The following ZNF697 variants were observed in gnomAD, a reference collection of about 807,000 sequenced individuals.
ZNF697 encodes zinc finger protein 697.
A neutral mutation model predicts 32.4 loss-of-function variants in ZNF697; 23 were observed. The observed-to-expected ratio is 0.71, with a 90% CI of 0.51 to 1.01. The LOEUF (loss-of-function observed/expected upper bound fraction) is 1.01. Ranked by LOEUF, ZNF697 falls within the 50% of genes least tolerant of loss-of-function variation. The probability of loss-of-function intolerance (pLI) is 0.00; values close to 1 mark genes in which losing one functional copy is unlikely to be tolerated. For missense variants in ZNF697, 930 were observed against 794.0 expected (o/e 1.17, Z -2.06); for synonymous variants, 418 against 337.2 (o/e 1.24, Z -2.62).
In ZNF697 at chr1:119,645,942, T is replaced by A. The variant is rs1214335876; in HGVS notation, c.-38+1749A>T. On this transcript the variant is annotated intron_variant, in intron 1 of 2. Coordinates refer to ENST00000421812, the MANE Select transcript of ZNF697 (RefSeq NM_001080470.2). The stretch of plus-strand genomic sequence containing the variant: ...GTTTATCATCCTTACAACCAACCTT[T>A]ACCCTTTCTCCTTCCCTTCACAGGA... Among the ~76,000 whole-genome samples, 4 of 152,196 alleles carry A rather than the reference T, an allele frequency of 2.6e-5. No homozygotes were observed. In the East Asian group the frequency reaches 5.8e-4, roughly 22 times the overall value.
At chr1:119,632,900 T>C (rs587743734) in intron 1 of ZNF697, among the ~76,000 whole-genome samples, 1 of 152,324 alleles carries the variant, frequency 6.6e-6, no homozygotes, top group East Asian at 1.9e-4. Flanking sequence ...TTTTCCTGTA[T>C]ATTTTCCTTA....
In ZNF697 at chr1:119,647,763, G is replaced by C. The variant is rs1318937297; in HGVS notation, c.-110C>G. On this transcript the variant is annotated 5_prime_UTR_variant, in exon 1 of 3. Transcript: ENST00000421812. ...GTCTCTGATGCCCCCTTCGGTGGTC[G>C]GCGGGACGGTCCTATTCCCTCTTGC... The C allele has an allele frequency of 6.6e-6, 1 of 152,324 alleles. No homozygotes were observed. The highest frequency in any genetic ancestry group is 1.5e-5 in the Non-Finnish European group (1 of 68,196). 9.4% of individuals were successfully genotyped at this position (152,324 alleles called of 1,614,324 possible).
chr1:119,628,401 A>G (rs1648662114), intron 1 of ZNF697, among the ~76,000 whole-genome samples: 1 of 152,220 alleles, frequency 6.6e-6, no homozygotes, highest in South Asian at 2.1e-4. Context: ...GACATCAGAT[A>G]TTAAACGTGG....
In ZNF697 at chr1:119,623,930, G is replaced by A. The variant is rs1024790909; in HGVS notation, c.413C>T (p.Pro138Leu). 22 of 1,587,490 alleles carry A rather than the reference G, an allele frequency of 1.4e-5. No homozygotes were observed. Among genetic ancestry groups the A allele is most frequent in the Non-Finnish European group, 1.6e-5 (19 of 1,167,162 alleles). The change falls in exon 3 of 3, where the codon CCT becomes CTT. Residue 138 changes from proline to leucine, a missense_variant. By Grantham distance (98) the Pro-to-Leu change is moderately conservative. Coordinates refer to ENST00000421812, the MANE Select transcript of ZNF697 (RefSeq NM_001080470.2). ...ATGTCGCCTCCAGGGAAGTACGGGA[G>A]GGGCCGGCTGCTCCTCTTCCTCCTC... ...RLEEEEEQPA[P>L]PVLPWRRHLS...
rs918802091 is a variant in ZNF697, at chr1:119,620,589, C to T, written c.*2116G>A. On this transcript the variant is annotated 3_prime_UTR_variant, in exon 3 of 3. Transcript: ENST00000421812. ...TACAAATCAGAATTCAAAACGGACA[C>T]TTGTTTGCTTGTATTACTCCTGACT... 1.4e-4 allele frequency: 21 copies of T among 152,604 alleles called. No individual in the cohort carries two copies. Among genetic ancestry groups the T allele is most frequent in the African/African-American group, 5.1e-4 (21 of 41,424 alleles). The allele number at this position is 152,604 out of a possible 1,614,324, so 9.5% of individuals were successfully genotyped here. A position where few individuals can be genotyped will look rare whatever the true frequency, so the allele number is the denominator to read the frequency against.
chr1:119,642,988 T>C, intron 1 of ZNF697, among the ~76,000 whole-genome samples: 1 of 152,226 alleles, frequency 6.6e-6, no homozygotes, highest in South Asian at 2.1e-4. Flanking sequence ...AGTGCCCTGC[T>C]AAACTTCATC....
chr1:119,634,816 A>C (rs1648876916), intron 1 of ZNF697, among the ~76,000 whole-genome samples: 1 of 152,260 alleles, frequency 6.6e-6, no homozygotes, highest in Non-Finnish European at 1.5e-5. Flanking sequence ...TTACAGAAAC[A>C]AATTATAAGA....
At chr1:119,636,638 T>A (rs1350886272) in intron 1 of ZNF697, among the ~76,000 whole-genome samples, 1 of 152,154 alleles carries the variant, frequency 6.6e-6, no homozygotes, top group African/African-American at 2.4e-5. Flanking sequence ...TTTGGTGATC[T>A]CACCTAACAC....
Position 119,622,936 on chromosome 1 carries a change from C to T in ZNF697, c.1407G>A (p.Gln469=), listed in dbSNP as rs1648394390. The part of the protein sequence containing the change: ...HTGEKPFRCG[Q]CEKRFSDFST... ...AGAAGTCGCTGAAGCGCTTCTCGCA[C>T]TGGCCACAGCGGAAGGGCTTCTCGC... The change falls in exon 3 of 3, where the codon CAG becomes CAA. Residue 469 remains glutamine, a synonymous_variant. Coordinates refer to ENST00000421812, the MANE Select transcript of ZNF697 (RefSeq NM_001080470.2). 4 of 1,606,296 alleles carry T rather than the reference C, an allele frequency of 2.5e-6. No individual in the cohort carries two copies. Among genetic ancestry groups the T allele is most frequent in the Non-Finnish European group, 3.4e-6 (4 of 1,176,124 alleles).
chr1:119,633,255 C>T (rs1648828534), intron 1 of ZNF697, among the ~76,000 whole-genome samples: 1 of 152,136 alleles, frequency 6.6e-6, no homozygotes, highest in Non-Finnish European at 1.5e-5. Context: ...ATATAAAACA[C>T]ATCTTCAAAA....
At chr1:119,647,079 A>G (rs1570952633) in intron 1 of ZNF697, among the ~76,000 whole-genome samples, 1 of 44,838 alleles carries the variant, frequency 2.2e-5, no homozygotes, top group African/African-American at 8.8e-5. Flanking sequence ...CCTGTGGGGG[A>G]GGCAGGGCGG....
At chr1:119,631,325 G>C (rs923822682) in intron 1 of ZNF697, among the ~76,000 whole-genome samples, 16 of 152,254 alleles carry the variant, frequency 1.1e-4, no homozygotes, top group African/African-American at 3.1e-4. Context: ...CATCTCCTTT[G>C]ACTCCAGTAA....
intron 1 of ZNF697, among the ~76,000 whole-genome samples, chr1:119,634,256 A>C (rs1030101932): frequency 5.9e-5 from 9 of 152,252 alleles, no homozygotes; most frequent in Non-Finnish European, 1.3e-4. Context: ...CTTGAGGCAC[A>C]CATTCAATCA....
rs149278738 is a variant in ZNF697, at chr1:119,635,471, A to G, written c.-37-9334T>C. ...TCTACTTTTATATTTCCAAACAACT[A>G]AAAAATGATCCTGCCCACCAGAACT... On this transcript the variant is annotated intron_variant, in intron 1 of 2. Transcript: ENST00000421812. 2.4e-4 allele frequency among the ~76,000 whole-genome samples: 37 copies of G among 152,326 alleles called. No homozygotes were observed. The East Asian group carries it at 2.5e-3, about 10-fold the overall frequency.
Position 119,623,728 on chromosome 1 carries a change from C to G in ZNF697, c.615G>C (p.Leu205=), listed in dbSNP as rs1268939709. 2 of 1,528,656 alleles carry G rather than the reference C, an allele frequency of 1.3e-6. No homozygotes were observed. The highest frequency in any genetic ancestry group is 2.4e-5 in the South Asian group (2 of 83,820). 94.7% of individuals were successfully genotyped at this position (1,528,656 alleles called of 1,614,324 possible). Residue 205 remains leucine (L), a synonymous_variant, in exon 3 of 3, where the codon CTG becomes CTC. Transcript: ENST00000421812. ...CCAGGCGGTGAATGCGCTGGTGCTGCAGGAAGGCGGCGCCAGGACTGAAGC... is the reference window on the plus strand; with the variant it reads ...CCAGGCGGTGAATGCGCTGGTGCTGGAGGAAGGCGGCGCCAGGACTGAAGC... ...GESFSPGAAF[L]QHQRIHRLAE... is the part of the protein sequence containing the mutation.
chr1:119,648,228 G>GGCTC lies in ZNF697; in HGVS notation c.-576_-575insGAGC, dbSNP rs1282931727. 2.0e-5 allele frequency among the ~76,000 whole-genome samples: 3 copies of GGCTC among 151,018 alleles called. No individual in the cohort carries two copies. The highest frequency in any genetic ancestry group is 1.9e-4 in the East Asian group (1 of 5,150). On this transcript the variant is annotated 5_prime_UTR_variant, in exon 1 of 3. Coordinates refer to ENST00000421812, the MANE Select transcript of ZNF697 (RefSeq NM_001080470.2). ...TGGCTGGCTGGCTGGCTGGCTGGCT[G>GGCTC]GCTGGCTCGCTGGCTGGCTGCCCGG... is the stretch of plus-strand genomic sequence containing the variant.
In ZNF697 at chr1:119,622,679, A is replaced by G. The variant is rs1648374973; in HGVS notation, c.*26T>C. ...TATCTACCCCCCACAGGCTCCCCAGACGGCAGCCTCCCGCGGACCCAGCCC... is the reference window on the plus strand; with the variant it reads ...TATCTACCCCCCACAGGCTCCCCAGGCGGCAGCCTCCCGCGGACCCAGCCC... On this transcript the variant is annotated 3_prime_UTR_variant, in exon 3 of 3. Coordinates refer to ENST00000421812, the MANE Select transcript of ZNF697 (RefSeq NM_001080470.2). 1 of 1,485,290 alleles carries G rather than the reference A, an allele frequency of 6.7e-7. No individual in the cohort carries two copies. Among genetic ancestry groups the G allele is most frequent in the African/African-American group, 1.4e-5 (1 of 71,584 alleles). The allele number at this position is 1,485,290 out of a possible 1,614,324, so 92.0% of individuals were successfully genotyped here.
chr1:119,622,915 G>A lies in ZNF697; in HGVS notation c.1428C>T (p.Asp476=), dbSNP rs770226956. The change falls in exon 3 of 3, where the codon GAC becomes GAT. Residue 476 remains aspartate, a synonymous_variant. Transcript: ENST00000421812. ...GCTGGTGCTGCGTGAGCGTGGAGAA[G>A]TCGCTGAAGCGCTTCTCGCACTGGC... is the stretch of plus-strand genomic sequence containing the variant. ...RCGQCEKRFS[D]FSTLTQHQRT... is the part of the protein sequence containing the mutation. The A allele has an allele frequency of 3.1e-6, 5 of 1,607,040 alleles. No individual in the cohort carries two copies. The African/African-American group carries it at 6.7e-5, about 22-fold the overall frequency.
At chr1:119,633,696 T>C (rs1317444617) in intron 1 of ZNF697, among the ~76,000 whole-genome samples, 1 of 152,258 alleles carries the variant, frequency 6.6e-6, no homozygotes, top group Non-Finnish European at 1.5e-5. Context: ...CTTGGCATTC[T>C]GTGGCCCAGC....
Sources: allele counts gnomAD v4.1 joint callset (sites outside exome capture counted in the v4.1 genomes callset), GRCh38; gene constraint gnomAD v4.1.1; transcripts MANE v1.5; gene names NCBI Gene and HGNC (gene_info 2026-07-23, HGNC 2026-07-21).